Variants in GLIPR2 observed in about 807,000 individuals in gnomAD.
GLIPR2 encodes Golgi-associated plant pathogenesis-related protein 1.
GLIPR2 carries 21 observed loss-of-function variants against 20.4 expected under a neutral mutation model. The ratio of observed to expected loss-of-function variants is 1.03; its 90% confidence interval spans 0.73 to 1.48. GLIPR2 has a LOEUF of 1.48. Ranked by LOEUF, GLIPR2 falls within the 40% of genes most tolerant of loss-of-function variation. The pLI is 0.00. For synonymous variants in GLIPR2, 91 were observed against 80.5 expected (o/e 1.13, Z -0.70); for missense variants, 205 against 200.1 (o/e 1.02, Z -0.15).
chr9:36,162,827 C>G lies in GLIPR2; in HGVS notation c.*305C>G, dbSNP rs1307442696. The G allele has an allele frequency of 1.5e-5, 7 of 465,892 alleles. No homozygotes were observed. The highest frequency in any genetic ancestry group is 1.4e-4 in the African/African-American group (7 of 49,012). 28.9% of individuals were successfully genotyped at this position (465,892 alleles called of 1,614,324 possible). ...TATTTCTAAGCAAACCTCTTTTGTA[C>G]TTTTCTTACTTCTAATATCCATCCC... On this transcript the variant is annotated 3_prime_UTR_variant, in exon 5 of 5. Coordinates refer to ENST00000377960, the MANE Select transcript of GLIPR2 (RefSeq NM_022343.4).
chr9:36,136,740 A>G lies in GLIPR2; in HGVS notation c.-39A>G, dbSNP rs1824832652. 4.8e-6 allele frequency: 6 copies of G among 1,262,506 alleles called. No homozygotes were observed. The highest frequency in any genetic ancestry group is 6.0e-6 in the Non-Finnish European group (6 of 1,003,424). 78.2% of individuals were successfully genotyped at this position (1,262,506 alleles called of 1,614,324 possible). The stretch of plus-strand genomic sequence containing the variant: ...GCGCTGGGCCGGGCGAGCGCAGTGC[A>G]GCGCAGCCGCGGGGAGCGAGGAGCG... On this transcript the variant is annotated 5_prime_UTR_variant, in exon 1 of 5. Coordinates refer to ENST00000377960, the MANE Select transcript of GLIPR2 (RefSeq NM_022343.4). The surrounding 1 kb of genome is among the most constrained non-coding windows in gnomAD (Gnocchi z 4.3).
intron 1 of GLIPR2, among the ~76,000 whole-genome samples, chr9:36,138,975 G>A (rs1032099942): frequency 5.3e-5 from 8 of 152,236 alleles, no homozygotes; most frequent in African/African-American, 1.9e-4. Flanking sequence ...CCAGGGTGTA[G>A]GGTAGATCGG....
intron 4 of GLIPR2, among the ~76,000 whole-genome samples, chr9:36,154,177 C>T (rs1191829008): frequency 6.6e-6 from 1 of 151,324 alleles, no homozygotes; most frequent in Non-Finnish European, 1.5e-5. Flanking sequence ...TCACTGCAAC[C>T]TCCACCTTCC....
Position 36,148,578 on chromosome 9 carries a change from C to G in GLIPR2, c.154C>G (p.Leu52Val). The change falls in exon 3 of 5, where the codon CTC becomes GTC. Residue 52 changes from leucine (L) to valine (V), a missense_variant. Leu to Val is a conservative substitution (Grantham distance 32). Transcript: ENST00000377960. ...TGAGGCCCTGGCCAGCACGAGGATC[C>G]TCAAGCACAGCCCGGAGTCCAGCCG... ...YSEALASTRI[L>V]KHSPESSRGQ... The G allele has an allele frequency of 3.1e-6, 5 of 1,614,068 alleles. No homozygotes were observed. Among genetic ancestry groups the G allele is most frequent in the Non-Finnish European group, 4.2e-6 (5 of 1,179,894 alleles).
At chr9:36,160,303 G>A (rs760737484) in intron 4 of GLIPR2, among the ~76,000 whole-genome samples, 54 of 152,176 alleles carry the variant, frequency 3.5e-4, no homozygotes, top group Non-Finnish European at 5.1e-4. Context: ...CATTGCAGGC[G>A]TGAGTCACGG....
chr9:36,146,740 A>G (rs1334901190), intron 1 of GLIPR2, among the ~76,000 whole-genome samples: 2 of 152,164 alleles, frequency 1.3e-5, no homozygotes, highest in East Asian at 1.9e-4. Context: ...ATCCTCTTTG[A>G]TTCCCTCTCC....
intron 4 of GLIPR2, 34 bp from the exon 5 acceptor site, chr9:36,162,328 C>T: frequency 6.2e-7 from 1 of 1,601,674 alleles, no homozygotes. Flanking sequence ...GCTAATTCAG[C>T]CGTGTCCCTC....
intron 4 of GLIPR2, among the ~76,000 whole-genome samples, chr9:36,155,817 T>C (rs2132770327): frequency 6.6e-6 from 1 of 152,270 alleles, no homozygotes; most frequent in East Asian, 1.9e-4. Flanking sequence ...CTTATTCCTG[T>C]AACTCCAGTA....
intron 1 of GLIPR2, among the ~76,000 whole-genome samples, chr9:36,142,774 G>T (rs1221528282): frequency 6.6e-6 from 1 of 151,984 alleles, no homozygotes; most frequent in African/African-American, 2.4e-5. Flanking sequence ...CTTCTTGCTA[G>T]GTGTGGCAGC....
At chr9:36,159,540 A>G (rs1391869673) in intron 4 of GLIPR2, among the ~76,000 whole-genome samples, 1 of 152,254 alleles carries the variant, frequency 6.6e-6, no homozygotes, top group Non-Finnish European at 1.5e-5. Context: ...CCATATGGAC[A>G]CATAGCCTGG....
At position 36,145,900 on chromosome 9, in the gene GLIPR2, C is replaced by G. The variant is rs570780855; in HGVS notation, c.14-1886C>G. Among the ~76,000 whole-genome samples the G allele has an allele frequency of 1.5e-3, 232 of 152,250 alleles. 2 individuals carry two copies. Among genetic ancestry groups the G allele is most frequent in the African/African-American group, 5.3e-3 (219 of 41,542 alleles). ...TTGGCTTCACCTACTTATTCTCTCC[C>G]TAACCACAGCCTCCTTGACTTTGCC... On this transcript the variant is annotated intron_variant, in intron 1 of 4. Coordinates refer to ENST00000377960, the MANE Select transcript of GLIPR2 (RefSeq NM_022343.4).
intron 1 of GLIPR2, among the ~76,000 whole-genome samples, chr9:36,139,589 C>A (rs770553039): frequency 1.3e-5 from 2 of 152,214 alleles, no homozygotes; most frequent in African/African-American, 2.4e-5. Context: ...CTCACAGGGG[C>A]TCTGTGTGCT....
At chr9:36,151,582 A>G (rs1825589035) in intron 4 of GLIPR2, among the ~76,000 whole-genome samples, 1 of 152,138 alleles carries the variant, frequency 6.6e-6, no homozygotes, top group African/African-American at 2.4e-5. Flanking sequence ...ACTTGAGTCA[A>G]TTCCTGTCCC....
upstream of GLIPR2, chr9:36,136,692 G>T (rs910526141): frequency 4.9e-5 from 50 of 1,010,296 alleles, no homozygotes; most frequent in Non-Finnish European, 5.6e-5. The surrounding 1 kb of genome is among the most constrained non-coding windows in gnomAD (Gnocchi z 4.3). Context: ...CGCGGCATCA[G>T]CCCGGTCCTG....
chr9:36,141,446 C>A (rs1462694510), intron 1 of GLIPR2, among the ~76,000 whole-genome samples: 1 of 74,036 alleles, frequency 1.4e-5, no homozygotes, highest in Admixed American at 1.6e-4. Flanking sequence ...TGCTTTCCAG[C>A]CTTTTGCCAA....
At chr9:36,150,069 G>A (rs1563883690) in intron 3 of GLIPR2, among the ~76,000 whole-genome samples, 1 of 152,172 alleles carries the variant, frequency 6.6e-6, no homozygotes, top group African/African-American at 2.4e-5. Flanking sequence ...AAAAATGCCT[G>A]AGTCTCTCCT....
intron 1 of GLIPR2, chr9:36,141,807 C>T (rs772762627): frequency 4.4e-6 from 2 of 454,656 alleles, no homozygotes; most frequent in South Asian, 1.6e-5. Context: ...GCGTGGGTCA[C>T]CACGCATGGC....
chr9:36,163,120 T>C lies in GLIPR2; in HGVS notation c.*598T>C, dbSNP rs1306370441. ...CTGCATGCCTCCTGGAATTCTCCAA[T>C]GGGGTCGCCAAACAACAAATGGAGA... On this transcript the variant is annotated 3_prime_UTR_variant, in exon 5 of 5. Transcript: ENST00000377960. The C allele has an allele frequency of 3.6e-6, 1 of 280,188 alleles. No homozygotes were observed. Among genetic ancestry groups the C allele is most frequent in the South Asian group, 3.0e-5 (1 of 33,624 alleles). The allele number at this position is 280,188 out of a possible 1,614,324, so 17.4% of individuals were successfully genotyped here.
At chr9:36,160,263 T>C (rs1026231435) in intron 4 of GLIPR2, among the ~76,000 whole-genome samples, 4 of 152,146 alleles carry the variant, frequency 2.6e-5, no homozygotes, top group African/African-American at 7.2e-5. Context: ...CCTAAGATGA[T>C]CCGCCCACCT....
Sources: gnomAD v4.1 joint callset for allele counts (sites outside exome capture counted in the v4.1 genomes callset) on GRCh38, gnomAD v4.1.1 for gene constraint, Gnocchi (gnomAD v3.1) non-coding constraint, MANE v1.5 for transcripts, NCBI Gene and HGNC (gene_info 2026-07-23, HGNC 2026-07-21) for gene names.